SLC5A9: variants seen among roughly 807,000 people sequenced by gnomAD.
SLC5A9 encodes solute carrier family 5 member 9, also known as sodium/glucose cotransporter 4.
Under a neutral mutation model 70.9 loss-of-function variants are expected in SLC5A9, and 59 were observed. The ratio of observed to expected loss-of-function variants is 0.83; its 90% CI spans 0.68 to 1.03. The LOEUF is 1.03. SLC5A9 is among the 50% of genes least tolerant of loss of function. SLC5A9 has a pLI of 0.00. For missense variants in SLC5A9, 832 were observed against 881.1 expected (o/e 0.94, Z 0.71); for synonymous variants, 340 against 346.5 (o/e 0.98, Z 0.21).
At position 48,237,812 on chromosome 1, in the gene SLC5A9, C is replaced by A; in HGVS notation, c.1426C>A (p.Leu476Met). 6.2e-7 allele frequency: 1 copy of A among 1,614,148 alleles called. No individual in the cohort carries two copies. The highest frequency in any genetic ancestry group is 1.3e-5 in the African/African-American group (1 of 75,024). The change falls in exon 11 of 14, where the codon CTG becomes ATG. Residue 476 changes from leucine to methionine, a missense_variant. By Grantham distance (15) the Leu-to-Met change is conservative. Transcript: ENST00000438567. ...YLAPPITALFLLAIFCKRVTE... is the reference protein window; with the variant it reads ...YLAPPITALFMLAIFCKRVTE... ...GGCCCCACCCATCACCGCTCTCTTC[C>A]TGCTGGCCATCTTCTGCAAGAGGGT...
rs1418896501 is a variant in SLC5A9, at chr1:48,248,221, A to G, written c.*678A>G. The G allele has an allele frequency of 6.5e-6, 1 of 152,790 alleles. No individual in the cohort carries two copies. Among genetic ancestry groups the G allele is most frequent in the African/African-American group, 2.4e-5 (1 of 41,442 alleles). The allele number at this position is 152,790 out of a possible 1,614,324, so 9.5% of individuals were successfully genotyped here. On this transcript the variant is annotated 3_prime_UTR_variant, in exon 14 of 14. Coordinates refer to ENST00000438567, the MANE Select transcript of SLC5A9 (RefSeq NM_001011547.3). ...TCTGCCTCTTCCTACTCTCTAACCC[A>G]AATATGCACAAACTCTCTATGGCCT...
intron 1 of SLC5A9, among the ~76,000 whole-genome samples, 172 bp downstream of exon 1, chr1:48,223,070 G>A (rs555234405): frequency 6.6e-6 from 1 of 152,184 alleles, no homozygotes; most frequent in East Asian, 1.9e-4. Context: ...ATTTTTAGAA[G>A]GGCAGAGAGG....
chr1:48,237,860 T>C lies in SLC5A9; in HGVS notation c.1461+13T>C. The C allele has an allele frequency of 1.9e-6, 3 of 1,613,634 alleles. No individual in the cohort carries two copies. Among genetic ancestry groups the C allele is most frequent in the Non-Finnish European group, 2.5e-6 (3 of 1,179,744 alleles). On this transcript the variant is annotated intron_variant, in intron 11 of 13. Transcript: ENST00000438567. ...GGTCACAGAGCCCGTGAGTGCAGTGTACCTGTCTCTCACATACAGCAGAGG... is the reference window on the plus strand; with the variant it reads ...GGTCACAGAGCCCGTGAGTGCAGTGCACCTGTCTCTCACATACAGCAGAGG...
chr1:48,230,522 G>A (rs1644232726), intron 4 of SLC5A9, 78 bp from the exon 5 acceptor site: 1 of 918,180 alleles, frequency 1.1e-6, no homozygotes, highest in South Asian at 1.3e-5. Context: ...GGTGTTGCTG[G>A]GCAGGCAGGT....
In SLC5A9 at chr1:48,237,749, C is replaced by T. The variant is rs771100263; in HGVS notation, c.1363C>T (p.Gln455Ter). ...CATCATCCAAAGCTCCAACAGTGGG[C>T]AGCTCTTCGACTACATCCAGGCTGT... ...IPIIQSSNSGQLFDYIQAVTS... is the reference protein window; with the variant it reads ...IPIIQSSNSG Residue 455 changes from glutamine (Q) to a stop codon, truncating the protein, a stop_gained, in exon 11 of 14, where the codon CAG (glutamine) becomes TAG (stop). Transcript: ENST00000438567. LOFTEE classifies it high-confidence loss of function. 2 of 1,614,124 alleles carry T rather than the reference C, an allele frequency of 1.2e-6. No individual in the cohort carries two copies. Among genetic ancestry groups the T allele is most frequent in the Admixed American group, 3.3e-5 (2 of 60,016 alleles).
intron 2 of SLC5A9, among the ~76,000 whole-genome samples, chr1:48,226,037 G>C (rs11809119): frequency 0.015 from 2,323 of 152,242 alleles, 59 homozygotes; most frequent in African/African-American, 0.053. Context: ...TAGGTATCTG[G>C]GACAGGAAGA....
At chr1:48,224,614 T>C (rs1644117624) in intron 1 of SLC5A9, 110 bp from the exon 2 acceptor site, 1 of 1,068,600 alleles carries the variant, frequency 9.4e-7, no homozygotes, top group Admixed American at 1.8e-5. Context: ...GTTTTCACCC[T>C]CTGTGTCCCC....
intron 2 of SLC5A9, 87 bp downstream of exon 2, chr1:48,224,882 A>C: frequency 5.3e-6 from 7 of 1,312,794 alleles, no homozygotes; most frequent in African/African-American, 1.5e-5. Context: ...CCATCTTCTC[A>C]CACCTGGACC....
At chr1:48,242,372 A>T (rs2148587420) in intron 12 of SLC5A9, 85 bp from the exon 13 acceptor site, 2 of 1,471,442 alleles carry the variant, frequency 1.4e-6, no homozygotes, top group South Asian at 2.7e-5. Context: ...TTTTGCTCAG[A>T]TGGCCTTCCA....
rs1391896495 is a variant in SLC5A9, at chr1:48,244,878, G to GTGTGTGTATATATATATATA, written c.1837+2263_1837+2264insGTGTGTATATATATATATAT. 2.9e-3 allele frequency among the ~76,000 whole-genome samples: 85 copies of GTGTGTGTATATATATATATA among 29,402 alleles called. 12 individuals are homozygous for GTGTGTGTATATATATATATA. The highest frequency in any genetic ancestry group is 7.9e-3 in the South Asian group (5 of 634). The allele number at this position is 29,402 out of a possible 152,430, so 19.3% of individuals were successfully genotyped here. A position where few individuals can be genotyped will look rare whatever the true frequency, so the allele number is the denominator to read the frequency against. On this transcript the variant is annotated intron_variant, in intron 13 of 13. Coordinates refer to ENST00000438567, the MANE Select transcript of SLC5A9 (RefSeq NM_001011547.3). ...TGTGTGTGTGTATGTATGTGTATGT[G>GTGTGTGTATATATATATATA]TATATATATATATATATATATATAT...
intron 13 of SLC5A9, among the ~76,000 whole-genome samples, chr1:48,246,869 A>G (rs1429711508): frequency 6.6e-6 from 1 of 152,262 alleles, no homozygotes; most frequent in Non-Finnish European, 1.5e-5. Context: ...CTAATGGCAG[A>G]GCTGGCCCTG....
intron 1 of SLC5A9, among the ~76,000 whole-genome samples, chr1:48,223,238 G>A (rs967789030): frequency 6.6e-6 from 1 of 152,088 alleles, no homozygotes; most frequent in South Asian, 2.1e-4. Flanking sequence ...CCAACTCTGA[G>A]AACTCTTGAC....
rs1425140319 is a variant in SLC5A9, at chr1:48,239,780, T to C, written c.1677+243T>C. 6.6e-6 allele frequency among the ~76,000 whole-genome samples: 1 copy of C among 152,238 alleles called. No individual in the cohort carries two copies. The highest frequency in any genetic ancestry group is 1.5e-5 in the Non-Finnish European group (1 of 68,048). ...ACTGTGCTGGGCTTACAAAGATGAA[T>C]GGTCCCTGCCAGAGACTATCCTCAG... On this transcript the variant is annotated intron_variant, in intron 12 of 13. Transcript: ENST00000438567. This position sits in a 1 kb window ranked among gnomAD's most constrained non-coding sequence, Gnocchi z 4.2.
At position 48,224,729 on chromosome 1, in the gene SLC5A9, C is replaced by T; in HGVS notation, c.168C>T (p.Ser56=). Residue 56 remains serine, a synonymous_variant, in exon 2 of 14, where the codon TCC becomes TCT. Transcript: ENST00000438567. ...CTCATCTATTTCCTTTCCAGTCGTC[C>T]ATCCGTGCAAGTCGAGGGACCATTG... ...VFVIAVGIWS[S]IRASRGTIGG... is the part of the protein sequence containing the mutation. The T allele has an allele frequency of 6.2e-7, 1 of 1,614,092 alleles. No homozygotes were observed. Among genetic ancestry groups the T allele is most frequent in the Non-Finnish European group, 8.5e-7 (1 of 1,179,988 alleles).
intron 12 of SLC5A9, chr1:48,242,255 C>T (rs1644399386): frequency 1.7e-6 from 1 of 597,316 alleles, no homozygotes; most frequent in East Asian, 2.9e-5. Flanking sequence ...TGGGGTAGAG[C>T]ACCTGGTGTA....
chr1:48,233,454 G>GA (rs1389092695), intron 8 of SLC5A9, among the ~76,000 whole-genome samples: 1 of 149,594 alleles, frequency 6.7e-6, no homozygotes, highest in African/African-American at 2.5e-5. Context: ...TATTTCAGTA[G>GA]AAAAAATGTG....
chr1:48,242,307 C>A, intron 12 of SLC5A9, 150 bp from the exon 13 acceptor site: 1 of 848,390 alleles, frequency 1.2e-6, no homozygotes, highest in Non-Finnish European at 1.8e-6. Context: ...GAAGTCAGGG[C>A]TGAGATCCGG....
Position 48,237,796 on chromosome 1 carries a change from C to A in SLC5A9, c.1410C>A (p.Pro470=). Residue 470 remains proline, a synonymous_variant, in exon 11 of 14, where the codon CCC becomes CCA. Transcript: ENST00000438567. The stretch of plus-strand genomic sequence containing the variant: ...CTGTCACCAGTTACCTGGCCCCACC[C>A]ATCACCGCTCTCTTCCTGCTGGCCA... The part of the protein sequence containing the change: ...IQAVTSYLAP[P]ITALFLLAIF... 1 of 1,614,126 alleles carries A rather than the reference C, an allele frequency of 6.2e-7. No individual in the cohort carries two copies. Among genetic ancestry groups the A allele is most frequent in the Non-Finnish European group, 8.5e-7 (1 of 1,180,030 alleles).
At chr1:48,223,251 C>A (rs1347498752) in intron 1 of SLC5A9, among the ~76,000 whole-genome samples, 1 of 152,104 alleles carries the variant, frequency 6.6e-6, no homozygotes, top group Non-Finnish European at 1.5e-5. Flanking sequence ...CTCTTGACCC[C>A]TGGCCCTACC....
Sources: allele counts gnomAD v4.1 joint callset (sites outside exome capture counted in the v4.1 genomes callset), GRCh38; gene constraint gnomAD v4.1.1; non-coding constraint Gnocchi (gnomAD v3.1); transcripts MANE v1.5; gene names NCBI Gene and HGNC (gene_info 2026-07-23, HGNC 2026-07-21).